The following PDE1B variants were observed in gnomAD, a reference collection of about 807,000 sequenced individuals.
PDE1B encodes phosphodiesterase 1B.
Under a neutral mutation model 66.7 loss-of-function variants are expected in PDE1B, and 13 were observed. That is an observed-to-expected ratio of 0.19 (90% CI 0.13 to 0.31). The LOEUF (loss-of-function observed/expected upper bound fraction) is 0.31. Ranked by LOEUF, PDE1B falls within the 10% of genes least tolerant of loss-of-function variation. PDE1B has a pLI of 1.00. For synonymous variants in PDE1B, 230 were observed against 253.9 expected, an observed-to-expected ratio of 0.91 and a Z score of 0.90; for missense variants, 485 against 682.3, an observed-to-expected ratio of 0.71 and a Z score of 3.22.
chr12:54,557,278 T>C (rs569504632), intron 2 of PDE1B, among the ~76,000 whole-genome samples: 1 of 152,372 alleles, frequency 6.6e-6, no homozygotes, highest in East Asian at 1.9e-4. Flanking sequence ...AAATTTGCTG[T>C]TGTTTTTTAA....
chr12:54,576,443 A>T, intron 13 of PDE1B, 128 bp from the exon 14 acceptor site: 1 of 1,056,048 alleles, frequency 9.5e-7, no homozygotes, highest in Non-Finnish European at 1.4e-6. Context: ...TATCTAGTAG[A>T]GGAAAAGAGG....
In PDE1B at chr12:54,569,160, G is replaced by C. The variant is rs1239372475; in HGVS notation, c.228-24G>C. 3 of 1,578,748 alleles carry C rather than the reference G, an allele frequency of 1.9e-6. No individual in the cohort carries two copies. In the African/African-American group the frequency reaches 4.0e-5, roughly 21 times the overall value. On this transcript the variant is annotated intron_variant, in intron 3 of 15. Coordinates refer to ENST00000243052, the MANE Select transcript of PDE1B (RefSeq NM_000924.4). The surrounding 1 kb of genome is among the most constrained non-coding windows in gnomAD (Gnocchi z 4.4). ...TGGAAGCACCTGCTGTCTTTCCTCT[G>C]TGACTCCCCTTCTGGGGTCTCAGGC...
In PDE1B at chr12:54,573,766, G is replaced by C. The variant is rs1957662932; in HGVS notation, c.1064+57G>C. 13 of 1,264,990 alleles carry C rather than the reference G, an allele frequency of 1.0e-5. No individual in the cohort carries two copies. In the South Asian group the frequency reaches 1.3e-4, roughly 13 times the overall value. The allele number at this position is 1,264,990 out of a possible 1,614,324, so 78.4% of individuals were successfully genotyped here. ...GCCAGAGGGAGGGGTGTGTGAACTG[G>C]GGGGGTATACACAAGGGTAGTTGGT... On this transcript the variant is annotated intron_variant, in intron 10 of 15. Transcript: ENST00000243052. This position sits in a 1 kb window ranked among gnomAD's most constrained non-coding sequence, Gnocchi z 5.2.
chr12:54,566,959 A>G lies in PDE1B; in HGVS notation c.114-15A>G. The G allele has an allele frequency of 6.7e-7, 1 of 1,495,344 alleles. No individual in the cohort carries two copies. Among genetic ancestry groups the G allele is most frequent in the Non-Finnish European group, 9.3e-7 (1 of 1,074,874 alleles). The allele number at this position is 1,495,344 out of a possible 1,614,324, so 92.6% of individuals were successfully genotyped here. A position where few individuals can be genotyped will look rare whatever the true frequency, so the allele number is the denominator to read the frequency against. Reference sequence around the variant, plus strand: ...AGCTGTGCCTAAGCAGCCTCTCTGTATCTGCTCCCTGCAGGCTGCGCTACA... The same window carrying G: ...AGCTGTGCCTAAGCAGCCTCTCTGTGTCTGCTCCCTGCAGGCTGCGCTACA... On this transcript the variant is annotated splice_polypyrimidine_tract_variant and intron_variant, in intron 2 of 15. Transcript: ENST00000243052.
Position 54,561,413 on chromosome 12 carries a change from T to G in PDE1B, c.114-5561T>G, listed in dbSNP as rs1257100783. ...AGGCTGGGTCTCTGCCTCCCCACTC[T>G]CTTCTTCCTGCAGCCAGGCCCCTCC... On this transcript the variant is annotated intron_variant, in intron 2 of 15. Coordinates refer to ENST00000243052, the MANE Select transcript of PDE1B (RefSeq NM_000924.4). 3.2e-6 allele frequency: 4 copies of G among 1,264,440 alleles called. No individual in the cohort carries two copies. In the African/African-American group the frequency reaches 6.1e-5, roughly 19 times the overall value. The allele number at this position is 1,264,440 out of a possible 1,614,324, so 78.3% of individuals were successfully genotyped here. A position where few individuals can be genotyped will look rare whatever the true frequency, so the allele number is the denominator to read the frequency against.
intron 2 of PDE1B, among the ~76,000 whole-genome samples, chr12:54,557,394 C>T (rs558094256): frequency 6.6e-6 from 1 of 152,186 alleles, no homozygotes; most frequent in Non-Finnish European, 1.5e-5. Flanking sequence ...CTACCCTTCT[C>T]CTCTAAGCAC....
At position 54,572,480 on chromosome 12, in the gene PDE1B, A is replaced by G. The variant is rs367708109; in HGVS notation, c.595-121A>G. The G allele has an allele frequency of 1.2e-4, 111 of 921,876 alleles. 2 individuals carry two copies. The highest frequency in any genetic ancestry group is 1.2e-3 in the South Asian group (78 of 64,980). 57.1% of individuals were successfully genotyped at this position (921,876 alleles called of 1,614,324 possible). On this transcript the variant is annotated intron_variant, in intron 6 of 15. Transcript: ENST00000243052. ...GGATATGAGCCAGGTTCACCTAACT[A>G]GGTTCTGTGCTCTCTCCCTATGCCA...
intron 2 of PDE1B, among the ~76,000 whole-genome samples, chr12:54,562,682 G>C (rs1957439253): frequency 6.6e-6 from 1 of 152,186 alleles, no homozygotes; most frequent in East Asian, 1.9e-4. Context: ...ATAAGAGAGG[G>C]CCCTGGCAGG....
At position 54,575,686 on chromosome 12, in the gene PDE1B, C is replaced by T. The variant is rs982267844; in HGVS notation, c.1267+54C>T. On this transcript the variant is annotated intron_variant, in intron 12 of 15. Coordinates refer to ENST00000243052, the MANE Select transcript of PDE1B (RefSeq NM_000924.4). The surrounding 1 kb of genome is among the most constrained non-coding windows in gnomAD (Gnocchi z 4.0). Reference sequence around the variant, plus strand: ...GGACTGGGAGGGGGAAAAGATGCTGCCTGGGTCAGGATTGCTCCAAGTCCT... The same window carrying T: ...GGACTGGGAGGGGGAAAAGATGCTGTCTGGGTCAGGATTGCTCCAAGTCCT... The T allele has an allele frequency of 1.6e-6, 2 of 1,273,730 alleles. No individual in the cohort carries two copies. Among genetic ancestry groups the T allele is most frequent in the Non-Finnish European group, 2.3e-6 (2 of 878,026 alleles). 78.9% of individuals were successfully genotyped at this position (1,273,730 alleles called of 1,614,324 possible). A position where few individuals can be genotyped will look rare whatever the true frequency, so the allele number is the denominator to read the frequency against.
intron 2 of PDE1B, among the ~76,000 whole-genome samples, chr12:54,559,299 C>T (rs896533129): frequency 4.0e-5 from 6 of 148,262 alleles, no homozygotes; most frequent in African/African-American, 1.5e-4. Flanking sequence ...AGTCTCCCAT[C>T]CTTTGTTTCC....
intron 2 of PDE1B, among the ~76,000 whole-genome samples, chr12:54,553,940 A>G (rs573247760): frequency 4.0e-4 from 61 of 152,330 alleles, no homozygotes; most frequent in South Asian, 1.9e-3. Flanking sequence ...CTGGGGACAG[A>G]GCTCCATGAA....
chr12:54,549,607 C>G lies in PDE1B; in HGVS notation c.-179C>G, dbSNP rs1253587098. The G allele has an allele frequency of 5.7e-6, 2 of 351,480 alleles. No individual in the cohort carries two copies. Among genetic ancestry groups the G allele is most frequent in the Non-Finnish European group, 1.0e-5 (2 of 192,574 alleles). 21.8% of individuals were successfully genotyped at this position (351,480 alleles called of 1,614,324 possible). ...GCGAGGAGGCGGCTCTGGCAGCGCG[C>G]GGCGGCGGCGGCGGTAGCGGCAGCA... On this transcript the variant is annotated 5_prime_UTR_variant, in exon 1 of 16. Coordinates refer to ENST00000243052, the MANE Select transcript of PDE1B (RefSeq NM_000924.4).
chr12:54,549,851 G>T lies in PDE1B; in HGVS notation c.-13-9G>T, dbSNP rs1199251083. On this transcript the variant is annotated splice_polypyrimidine_tract_variant and intron_variant, in intron 1 of 15. Transcript: ENST00000243052. ...AGCCGAGGTGCTGTCTCCTCCTTCT[G>T]TTCCGTAGACCGTGGCTGAGCATGG... The T allele has an allele frequency of 6.3e-7, 1 of 1,590,244 alleles. No individual in the cohort carries two copies. Among genetic ancestry groups the T allele is most frequent in the African/African-American group, 1.3e-5 (1 of 74,394 alleles).
intron 14 of PDE1B, 62 bp downstream of exon 14, chr12:54,576,763 A>T: frequency 2.0e-6 from 3 of 1,527,564 alleles, no homozygotes; most frequent in African/African-American, 1.4e-5. Context: ...GAGCACTAGG[A>T]GGTCCATTTT....
In PDE1B at chr12:54,572,759, G is replaced by T; in HGVS notation, c.735+18G>T. The T allele has an allele frequency of 6.2e-7, 1 of 1,612,064 alleles. No homozygotes were observed. Among genetic ancestry groups the T allele is most frequent in the Non-Finnish European group, 8.5e-7 (1 of 1,178,238 alleles). ...GGATGGTGGTAGGTGCCCTGGAGAT[G>T]ATTCTTCTGTGATTCAGGGCCTATG... On this transcript the variant is annotated intron_variant, in intron 7 of 15. Transcript: ENST00000243052.
chr12:54,573,825 C>T lies in PDE1B; in HGVS notation c.1064+116C>T. Reference sequence around the variant, plus strand: ...TCTTTACCTCGCTGTAGAGACTCCACTGGCTTCAGGTATCAGACTGCATCT... The same window carrying T: ...TCTTTACCTCGCTGTAGAGACTCCATTGGCTTCAGGTATCAGACTGCATCT... On this transcript the variant is annotated intron_variant, in intron 10 of 15. Coordinates refer to ENST00000243052, the MANE Select transcript of PDE1B (RefSeq NM_000924.4). This position sits in a 1 kb window ranked among gnomAD's most constrained non-coding sequence, Gnocchi z 5.2. The T allele has an allele frequency of 1.4e-6, 1 of 738,874 alleles. No homozygotes were observed. The highest frequency in any genetic ancestry group is 1.9e-5 in the Admixed American group (1 of 52,572). 45.8% of individuals were successfully genotyped at this position (738,874 alleles called of 1,614,324 possible).
At chr12:54,561,108 G>A (rs1304012337) in intron 2 of PDE1B, among the ~76,000 whole-genome samples, 1 of 152,154 alleles carries the variant, frequency 6.6e-6, no homozygotes, top group Non-Finnish European at 1.5e-5. Flanking sequence ...AAAGGGAGCT[G>A]AATCTGCTTA....
intron 2 of PDE1B, among the ~76,000 whole-genome samples, chr12:54,555,234 ATAGGTGGGTT>A: frequency 6.6e-6 from 1 of 152,350 alleles, no homozygotes; most frequent in Admixed American, 6.5e-5. Context: ...AGGGGCTGCC[ATAGGTGGGTT>A]CTATGAACAT....
intron 2 of PDE1B, among the ~76,000 whole-genome samples, chr12:54,555,787 G>A (rs1329064970): frequency 6.6e-6 from 1 of 151,952 alleles, no homozygotes; most frequent in African/African-American, 2.4e-5. Flanking sequence ...CTTTCTCTGG[G>A]TTCTCTTTCG....
Sources: gnomAD v4.1 joint callset for allele counts (sites outside exome capture counted in the v4.1 genomes callset) on GRCh38, gnomAD v4.1.1 for gene constraint, Gnocchi (gnomAD v3.1) non-coding constraint, MANE v1.5 for transcripts, NCBI Gene and HGNC (gene_info 2026-07-23, HGNC 2026-07-21) for gene names.